CNTN5: variants seen among roughly 807,000 people sequenced by gnomAD.
The protein encoded by CNTN5 is contactin-5.
CNTN5 carries 77 observed loss-of-function variants against 129.1 expected under a neutral mutation model. The ratio of observed to expected loss-of-function variants is 0.60; its 90% CI spans 0.50 to 0.72. The LOEUF (loss-of-function observed/expected upper bound fraction) is 0.72. CNTN5 is among the 30% of genes least tolerant of loss of function. CNTN5 has a pLI of 0.00. For missense variants in CNTN5, 1,478 were observed against 1,328.8 expected, an observed-to-expected ratio of 1.11 and a Z score of -1.75; for synonymous variants, 509 against 465.6, an observed-to-expected ratio of 1.09 and a Z score of -1.20.
At chr11:100,264,787 A>G (rs1028486646) in intron 17 of CNTN5, among the ~76,000 whole-genome samples, 2 of 152,100 alleles carry the variant, frequency 1.3e-5, no homozygotes, top group Admixed American at 6.6e-5. Context: ...TTCTGGTTCT[A>G]GATCCTTGAG....
intron 3 of CNTN5, among the ~76,000 whole-genome samples, chr11:99,579,847 G>A (rs1321652928): frequency 1.3e-5 from 2 of 150,786 alleles, no homozygotes; most frequent in Non-Finnish European, 2.9e-5. Context: ...GACTGCCCTG[G>A]CCAGAACTTC....
At chr11:100,039,772 G>T (rs995139910) in intron 9 of CNTN5, among the ~76,000 whole-genome samples, 2 of 152,102 alleles carry the variant, frequency 1.3e-5, no homozygotes. Context: ...GGCTACTGAG[G>T]CTTCTGCATT....
chr11:99,811,165 G>A (rs762302733), intron 3 of CNTN5, among the ~76,000 whole-genome samples: 4 of 151,886 alleles, frequency 2.6e-5, no homozygotes, highest in African/African-American at 4.8e-5. Flanking sequence ...GTCGGGAGTC[G>A]ATAGAAAAGA....
intron 3 of CNTN5, among the ~76,000 whole-genome samples, chr11:99,818,258 C>G (rs1946658077): frequency 7.3e-6 from 1 of 136,284 alleles, no homozygotes; most frequent in African/African-American, 2.6e-5. Context: ...CTGAACAAAA[C>G]TACCTTTTTT....
chr11:100,129,839 TTGTG>T (rs71305308), intron 13 of CNTN5, among the ~76,000 whole-genome samples: 9 of 150,850 alleles, frequency 6.0e-5, no homozygotes, highest in Middle Eastern at 6.8e-3. Context: ...GTGTGTGTGT[TTGTG>T]TGTGTGTGTG....
chr11:99,926,404 C>T (rs1485983805), intron 7 of CNTN5, among the ~76,000 whole-genome samples: 1 of 151,960 alleles, frequency 6.6e-6, no homozygotes, highest in East Asian at 1.9e-4. Context: ...CCTCTTTATC[C>T]TAAAATAATA....
intron 3 of CNTN5, among the ~76,000 whole-genome samples, chr11:99,695,305 C>G (rs183749960): frequency 2.1e-4 from 32 of 151,982 alleles, no homozygotes; most frequent in Non-Finnish European, 3.4e-4. Flanking sequence ...GAATCTAGGA[C>G]AGCAAGCAGG....
At chr11:99,963,148 A>G (rs2136196372) in intron 8 of CNTN5, among the ~76,000 whole-genome samples, 1 of 152,110 alleles carries the variant, frequency 6.6e-6, no homozygotes, top group Non-Finnish European at 1.5e-5. Flanking sequence ...GCTGTGCAGG[A>G]GCTCTTTAGT....
chr11:99,042,178 A>AT, intron 1 of CNTN5, among the ~76,000 whole-genome samples: 1 of 151,634 alleles, frequency 6.6e-6, no homozygotes, highest in African/African-American at 2.4e-5. Flanking sequence ...TCCCTTCTTT[A>AT]TTTTTTTAGG....
intron 6 of CNTN5, among the ~76,000 whole-genome samples, chr11:99,910,210 C>A (rs2135987942): frequency 6.6e-6 from 1 of 152,148 alleles, no homozygotes; most frequent in Non-Finnish European, 1.5e-5. Context: ...AATAAGCCCT[C>A]CCATATCTGT....
chr11:99,422,542 A>ATCTGTATTTTAAT (rs1942946790), intron 2 of CNTN5, among the ~76,000 whole-genome samples: 1 of 143,440 alleles, frequency 7.0e-6, no homozygotes, highest in African/African-American at 2.5e-5. Context: ...ATATATATAT[A>ATCTGTATTTTAAT]TATATATATA....
At position 99,559,369 on chromosome 11, in the gene CNTN5, C is replaced by T. The variant is rs551495418; in HGVS notation, c.55+3100C>T. On this transcript the variant is annotated intron_variant, in intron 3 of 24. Transcript: ENST00000524871. ...GATTATCTTGGGTGTGTCTAAGAAA[C>T]GGAAAAGAACTCTTACCTAACTCTA... Among the ~76,000 whole-genome samples the T allele has an allele frequency of 7.3e-4, 111 of 152,020 alleles. 2 individuals carry two copies. Among genetic ancestry groups the T allele is most frequent in the South Asian group, 6.9e-3 (33 of 4,808 alleles).
intron 13 of CNTN5, among the ~76,000 whole-genome samples, chr11:100,098,068 T>C (rs1945073506): frequency 1.3e-5 from 2 of 152,058 alleles, no homozygotes; most frequent in African/African-American, 4.8e-5. Context: ...TCATCATCTA[T>C]ACATGCAAAT....
intron 8 of CNTN5, among the ~76,000 whole-genome samples, chr11:99,995,849 A>G (rs1172468270): frequency 1.3e-5 from 2 of 152,094 alleles, no homozygotes; most frequent in Non-Finnish European, 2.9e-5. Flanking sequence ...GGCCTCAGCT[A>G]TTGCATTGTT....
intron 1 of CNTN5, among the ~76,000 whole-genome samples, chr11:99,041,732 G>C (rs1309796199): frequency 6.6e-6 from 1 of 152,202 alleles, no homozygotes; most frequent in Non-Finnish European, 1.5e-5. Flanking sequence ...GTCAGTGATA[G>C]TTTATGAAGG....
intron 2 of CNTN5, among the ~76,000 whole-genome samples, chr11:99,475,280 C>T (rs1945328359): frequency 6.6e-6 from 1 of 152,180 alleles, no homozygotes; most frequent in African/African-American, 2.4e-5. Flanking sequence ...GCCATCTGCC[C>T]TGTCATAACA....
At chr11:99,509,319 C>T (rs1370632126) in intron 2 of CNTN5, among the ~76,000 whole-genome samples, 1 of 151,852 alleles carries the variant, frequency 6.6e-6, no homozygotes, top group African/African-American at 2.4e-5. Flanking sequence ...AGTTCACCAT[C>T]GTACATGAAA....
Position 100,287,668 on chromosome 11 carries a change from G to T in CNTN5, c.2315-9957G>T, listed in dbSNP as rs371478654. On this transcript the variant is annotated intron_variant, in intron 18 of 24. Transcript: ENST00000524871. Reference sequence around the variant, plus strand: ...CTGCAAAATCATGCCAAAATGTAAAGACCTTCGAGACTAGGAAGAAACTGC... The same window carrying T: ...CTGCAAAATCATGCCAAAATGTAAATACCTTCGAGACTAGGAAGAAACTGC... Among the ~76,000 whole-genome samples, 54 of 152,142 alleles carry T rather than the reference G, an allele frequency of 3.5e-4. No individual in the cohort carries two copies. The East Asian group carries it at 8.7e-3, about 25-fold the overall frequency.
At chr11:99,946,752 T>A (rs1467002761) in intron 7 of CNTN5, among the ~76,000 whole-genome samples, 1 of 151,954 alleles carries the variant, frequency 6.6e-6, no homozygotes, top group Non-Finnish European at 1.5e-5. Flanking sequence ...ATATGACAAT[T>A]TTTTCCAAGA....
Sources: gnomAD v4.1 joint callset for allele counts (sites outside exome capture counted in the v4.1 genomes callset) on GRCh38, gnomAD v4.1.1 for gene constraint, MANE v1.5 for transcripts, NCBI Gene and HGNC (gene_info 2026-07-23, HGNC 2026-07-21) for gene names.